The following KMT2C variants were observed in gnomAD, a reference collection of about 807,000 sequenced individuals.
KMT2C encodes the protein histone-lysine N-methyltransferase 2C.
KMT2C carries 88 observed loss-of-function variants against 507.9 expected under a neutral mutation model. That is an observed-to-expected ratio of 0.17 (90% CI 0.15 to 0.21). The LOEUF is 0.21. Ranked by LOEUF, KMT2C falls within the 10% of genes least tolerant of loss-of-function variation. The probability of loss-of-function intolerance (pLI) is 1.00; values close to 1 mark genes in which losing one functional copy is unlikely to be tolerated. For synonymous variants in KMT2C, 2,049 were observed against 2,080.8 expected, an observed-to-expected ratio of 0.98 and a Z score of 0.42; for missense variants, 4,954 against 5,957.8, an observed-to-expected ratio of 0.83 and a Z score of 5.55.
At chr7:152,307,697 A>G (rs1031875148) in intron 6 of KMT2C, among the ~76,000 whole-genome samples, 2 of 152,212 alleles carry the variant, frequency 1.3e-5, no homozygotes, top group Admixed American at 6.5e-5. Flanking sequence ...CCATTTAATT[A>G]TTAATCAGTA....
rs746717039 is a variant in KMT2C at position 152,182,345 on chromosome 7, T to G, written c.5515A>C (p.Thr1839Pro). The G allele has an allele frequency of 1.2e-6, 2 of 1,613,940 alleles. No individual in the cohort carries two copies. Among genetic ancestry groups the G allele is most frequent in the Non-Finnish European group, 1.7e-6 (2 of 1,179,960 alleles). ...AACACATCATCTGAAGATGTAGACG[T>G]AGGGGTACTGGGTGGCTGTTTTGTA... ...LFTKQPPSTP[T>P]STSSDDVFVK... The change falls in exon 36 of 59, where the codon ACG (threonine) becomes CCG (proline). Residue 1839 changes from threonine to proline, a missense_variant. By Grantham distance (38) the Thr-to-Pro change is conservative. Around this residue, in one of 29 missense-constraint regions of KMT2C, gnomAD observed 1,689 missense variants for 1,654.3 expected, o/e 1.02. Transcript: ENST00000262189.
intron 3 of KMT2C, among the ~76,000 whole-genome samples, chr7:152,327,401 G>T (rs1271958335): frequency 6.6e-6 from 1 of 152,164 alleles, no homozygotes; most frequent in Non-Finnish European, 1.5e-5. Flanking sequence ...GAAGAACCAA[G>T]CAAGAAGGTT....
intron 9 of KMT2C, among the ~76,000 whole-genome samples, chr7:152,255,109 T>TTATATATATATATATATATATATATATA (rs1207305132): frequency 1.3e-5 from 1 of 78,342 alleles, no homozygotes; most frequent in Non-Finnish European, 2.7e-5. Flanking sequence ...CAACTCTCAC[T>TTATATATATATATATATATATATATATA]TATATATATA....
rs751421198 is a variant in KMT2C at position 152,259,444 on chromosome 7, G to GCACA, written c.1299+3571_1299+3572insTGTG. The stretch of plus-strand genomic sequence containing the variant: ...GAGACAAAAACACAGACACACACAC[G>GCACA]CGCACACACACACACACACACACAC... On this transcript the variant is annotated intron_variant, in intron 9 of 58. Coordinates refer to ENST00000262189, the MANE Select transcript of KMT2C (RefSeq NM_170606.3). Among the ~76,000 whole-genome samples, 12 of 85,436 alleles carry GCACA rather than the reference G, an allele frequency of 1.4e-4. No homozygotes were observed. The South Asian group carries it at 1.9e-3, about 13-fold the overall frequency. The allele number at this position is 85,436 out of a possible 152,430, so 56.0% of individuals were successfully genotyped here.
At chr7:152,202,400 T>C (rs766363946) in intron 26 of KMT2C, among the ~76,000 whole-genome samples, 8 of 152,358 alleles carry the variant, frequency 5.3e-5, no homozygotes, top group Non-Finnish European at 1.0e-4. Context: ...TTTTGTAGTC[T>C]ACATCTATCA....
intron 4 of KMT2C, among the ~76,000 whole-genome samples, chr7:152,314,892 T>C (rs187519048): frequency 6.6e-6 from 1 of 152,298 alleles, no homozygotes; most frequent in East Asian, 1.9e-4. Flanking sequence ...AAGTTTAGTT[T>C]TGTGATCACA....
chr7:152,411,823 A>G (rs2097687835), intron 1 of KMT2C, among the ~76,000 whole-genome samples: 1 of 152,300 alleles, frequency 6.6e-6, no homozygotes, highest in East Asian at 1.9e-4. Context: ...GCGTTTTAAC[A>G]TCATTTTGCA....
At chr7:152,414,228 A>G (rs576590984) in intron 1 of KMT2C, among the ~76,000 whole-genome samples, 3 of 146,792 alleles carry the variant, frequency 2.0e-5, no homozygotes, top group Non-Finnish European at 3.0e-5. Context: ...AAAAAAATGC[A>G]TATGAAACAC....
chr7:152,140,219 C>G (rs1403002673), intron 55 of KMT2C, among the ~76,000 whole-genome samples: 1 of 152,218 alleles, frequency 6.6e-6, no homozygotes, highest in Admixed American at 6.5e-5. Flanking sequence ...TAACCAATCA[C>G]TGATACTGTA....
At chr7:152,221,572 A>T (rs1302691191) in intron 22 of KMT2C, among the ~76,000 whole-genome samples, 1 of 152,242 alleles carries the variant, frequency 6.6e-6, no homozygotes, top group Non-Finnish European at 1.5e-5. Flanking sequence ...GGTGCTATTA[A>T]ATACAAATAT....
chr7:152,305,483 T>A (rs564166759), intron 6 of KMT2C, among the ~76,000 whole-genome samples: 66 of 151,892 alleles, frequency 4.3e-4, no homozygotes, highest in African/African-American at 1.5e-3. Flanking sequence ...ACGGTTATAG[T>A]GAAAGATGTC....
Position 152,183,110 on chromosome 7 carries a change from T to C in KMT2C, c.5129A>G (p.Gln1710Arg), listed in dbSNP as rs2093488069. Residue 1710 changes from glutamine to arginine, a missense_variant, in exon 35 of 59, where the codon CAG (glutamine) becomes CGG (arginine). By Grantham distance (43) the Gln-to-Arg change is conservative (BLOSUM62 1). Coordinates refer to ENST00000262189, the MANE Select transcript of KMT2C (RefSeq NM_170606.3). The stretch of plus-strand genomic sequence containing the variant: ...CCTTTTCATGGAATCATTTGACATC[T>C]GTACTTTATTAATGCGTAAAGCAGC... Reference protein sequence around the residue: ...NRAALRINKVQMSNDSMKRQQ... With the variant: ...NRAALRINKVRMSNDSMKRQQ... 1 of 1,610,902 alleles carries C rather than the reference T, an allele frequency of 6.2e-7. No individual in the cohort carries two copies. The highest frequency in any genetic ancestry group is 2.2e-5 in the East Asian group (1 of 44,778).
intron 14 of KMT2C, among the ~76,000 whole-genome samples, chr7:152,246,018 T>C (rs1298945620): frequency 6.6e-6 from 1 of 152,292 alleles, no homozygotes; most frequent in South Asian, 2.1e-4. Context: ...CAGAAATGCC[T>C]AATACCAAAG....
intron 7 of KMT2C, among the ~76,000 whole-genome samples, chr7:152,267,169 T>C (rs1301175329): frequency 3.3e-5 from 5 of 152,368 alleles, no homozygotes; most frequent in South Asian, 2.1e-4. Context: ...TAATCCCCCA[T>C]AGTTTCCCTT....
chr7:152,317,632 T>C (rs1395066227), intron 3 of KMT2C, among the ~76,000 whole-genome samples: 1 of 152,206 alleles, frequency 6.6e-6, no homozygotes, highest in Non-Finnish European at 1.5e-5. Flanking sequence ...AGTGAGACTA[T>C]GTTAACACCT....
chr7:152,405,988 CAGA>C (rs869172611), intron 1 of KMT2C, among the ~76,000 whole-genome samples: 1,095 of 147,920 alleles, frequency 7.4e-3, no homozygotes, highest in East Asian at 0.019. Flanking sequence ...AACTCTGTCT[CAGA>C]AAAAAAAAAA....
chr7:152,417,537 A>C (rs1343374021), intron 1 of KMT2C, among the ~76,000 whole-genome samples: 1 of 152,236 alleles, frequency 6.6e-6, no homozygotes. Flanking sequence ...CAGCTTATAC[A>C]AAGTCCAACA....
intron 32 of KMT2C, 68 bp from the exon 33 acceptor site, chr7:152,187,544 C>T: frequency 6.8e-7 from 1 of 1,462,564 alleles, no homozygotes; most frequent in East Asian, 2.3e-5. Context: ...TCAAGTATAG[C>T]TTTCATTAAA....
At chr7:152,156,514 C>T (rs958892745) in intron 44 of KMT2C, among the ~76,000 whole-genome samples, 168 bp from the exon 45 acceptor site, 1 of 152,180 alleles carries the variant, frequency 6.6e-6, no homozygotes, top group African/African-American at 2.4e-5. Context: ...CAGGAGGCTT[C>T]TTAGTGGAAC....
Sources: allele counts gnomAD v4.1 joint callset (sites outside exome capture counted in the v4.1 genomes callset), GRCh38; gene constraint gnomAD v4.1.1; regional missense constraint gnomAD v4.1.1; transcripts MANE v1.5; gene names NCBI Gene and HGNC (gene_info 2026-07-23, HGNC 2026-07-21).